The following SGTB variants were observed in gnomAD, a reference collection of about 807,000 sequenced individuals.
SGTB encodes the protein small glutamine rich tetratricopeptide repeat co-chaperone beta.
SGTB carries 19 observed loss-of-function variants against 43.9 expected under a neutral mutation model. That is an observed-to-expected ratio of 0.43 (90% CI 0.30 to 0.63). The LOEUF (loss-of-function observed/expected upper bound fraction) is 0.63, where lower values mean the gene tolerates loss of function less well. Among genes scored for constraint, SGTB ranks in the 30% least tolerant of loss-of-function variants. SGTB has a pLI of 0.12. For synonymous variants in SGTB, 116 were observed against 117.3 expected (o/e 0.99, Z 0.07); for missense variants, 304 against 358.9 (o/e 0.85, Z 1.24).
At chr5:65,711,293 A>G (rs1758041589) in intron 3 of SGTB, among the ~76,000 whole-genome samples, 1 of 152,222 alleles carries the variant, frequency 6.6e-6, no homozygotes, top group Admixed American at 6.5e-5. Flanking sequence ...TCAGGGAGAT[A>G]CAGCAAAAGA....
intron 5 of SGTB, among the ~76,000 whole-genome samples, chr5:65,692,551 T>C (rs1757633180): frequency 6.6e-6 from 1 of 152,160 alleles, no homozygotes; most frequent in Admixed American, 6.5e-5. Context: ...AGAATATGGC[T>C]CATTCTATAA....
intron 5 of SGTB, among the ~76,000 whole-genome samples, chr5:65,689,525 T>C (rs1226588564): frequency 6.6e-6 from 1 of 152,190 alleles, no homozygotes; most frequent in Non-Finnish European, 1.5e-5. Flanking sequence ...ACCAATTATA[T>C]TGGTTTATAA....
At chr5:65,674,716 G>A (rs990684329) in intron 8 of SGTB, among the ~76,000 whole-genome samples, 1 of 151,908 alleles carries the variant, frequency 6.6e-6, no homozygotes, top group Non-Finnish European at 1.5e-5. Flanking sequence ...CCTTATTTTG[G>A]TACATAGCAG....
Position 65,673,585 on chromosome 5 carries a change from T to C in SGTB, c.682-1304A>G, listed in dbSNP as rs560716117. 9.9e-3 allele frequency among the ~76,000 whole-genome samples: 1,501 copies of C among 152,216 alleles called. 8 individuals carry two copies. Among genetic ancestry groups the C allele is most frequent in the Non-Finnish European group, 0.015 (999 of 67,996 alleles). On this transcript the variant is annotated intron_variant, in intron 8 of 10. Coordinates refer to ENST00000381007, the MANE Select transcript of SGTB (RefSeq NM_019072.3). ...CTGCCCCTACCCCCTACACCCGGTA[T>C]GGTCCATGGAAAAACTGTCTTCCAT...
intron 4 of SGTB, 59 bp from the exon 5 acceptor site, chr5:65,704,437 T>G: frequency 1.6e-6 from 2 of 1,250,360 alleles, no homozygotes; most frequent in East Asian, 5.0e-5. Flanking sequence ...ACATACACTC[T>G]TATAGACACA....
At chr5:65,710,188 T>C (rs192456708) in intron 3 of SGTB, among the ~76,000 whole-genome samples, 1 of 152,296 alleles carries the variant, frequency 6.6e-6, no homozygotes, top group Non-Finnish European at 1.5e-5. Flanking sequence ...AGGATCTAAA[T>C]ATAATTCAAA....
chr5:65,719,746 C>T (rs990232775), intron 2 of SGTB, among the ~76,000 whole-genome samples: 28 of 152,116 alleles, frequency 1.8e-4, no homozygotes, highest in African/African-American at 6.5e-4. Context: ...AAGACGGTGT[C>T]GAGGAAACAC....
intron 5 of SGTB, among the ~76,000 whole-genome samples, chr5:65,687,258 T>C (rs758886414): frequency 9.2e-5 from 14 of 152,188 alleles, no homozygotes; most frequent in Non-Finnish European, 7.4e-5. Context: ...TCACTGACTT[T>C]TCCCCATCCA....
intron 2 of SGTB, among the ~76,000 whole-genome samples, chr5:65,713,491 A>T (rs751254671): frequency 4.0e-5 from 6 of 151,680 alleles, no homozygotes; most frequent in Non-Finnish European, 8.8e-5. Flanking sequence ...AACTGTTTAA[A>T]TTTTTTTGCA....
At chr5:65,689,536 TAAC>T (rs1293682267) in intron 5 of SGTB, among the ~76,000 whole-genome samples, 1 of 152,192 alleles carries the variant, frequency 6.6e-6, no homozygotes, top group African/African-American at 2.4e-5. Context: ...TGGTTTATAA[TAAC>T]AACTGAAGGA....
At chr5:65,673,296 G>A (rs760877995) in intron 8 of SGTB, among the ~76,000 whole-genome samples, 6 of 152,140 alleles carry the variant, frequency 3.9e-5, no homozygotes, top group Non-Finnish European at 5.9e-5. Context: ...CAGACTGACC[G>A]GTTGTAGTAG....
At chr5:65,677,098 G>A (rs1383827656) in intron 8 of SGTB, among the ~76,000 whole-genome samples, 1 of 151,034 alleles carries the variant, frequency 6.6e-6, no homozygotes, top group Non-Finnish European at 1.5e-5. Context: ...GAAGAAAAAA[G>A]AGAGAAGATT....
chr5:65,697,238 C>A (rs1001587128), intron 5 of SGTB, among the ~76,000 whole-genome samples: 2 of 152,108 alleles, frequency 1.3e-5, no homozygotes, highest in African/African-American at 4.8e-5. Context: ...TCTTTTACTG[C>A]ACTTTTCAGG....
chr5:65,718,207 A>G (rs1346258529), intron 2 of SGTB, among the ~76,000 whole-genome samples: 6 of 152,108 alleles, frequency 3.9e-5, no homozygotes, highest in Non-Finnish European at 8.8e-5. Flanking sequence ...GGATCAGGTA[A>G]TTTCTTCTTG....
At chr5:65,686,499 C>T (rs183874702) in intron 5 of SGTB, among the ~76,000 whole-genome samples, 1 of 151,868 alleles carries the variant, frequency 6.6e-6, no homozygotes, top group African/African-American at 2.4e-5. Flanking sequence ...TACCTTTATT[C>T]TCTCTTTACC....
intron 3 of SGTB, among the ~76,000 whole-genome samples, chr5:65,709,767 A>AT (rs766456888): frequency 5.3e-5 from 8 of 152,066 alleles, no homozygotes; most frequent in African/African-American, 1.9e-4. Context: ...CACCTGGGTA[A>AT]TTTTTTTATA....
At chr5:65,699,997 A>G (rs192386914) in intron 5 of SGTB, among the ~76,000 whole-genome samples, 1 of 152,352 alleles carries the variant, frequency 6.6e-6, no homozygotes, top group East Asian at 1.9e-4. Context: ...GTATTTGGTA[A>G]AAACCTGTCA....
chr5:65,671,816 A>G, intron 10 of SGTB, 99 bp downstream of exon 10: 1 of 1,087,626 alleles, frequency 9.2e-7, no homozygotes, highest in Non-Finnish European at 1.3e-6. Context: ...TAACGGTAAA[A>G]GATAAACATT....
chr5:65,710,804 A>G (rs1758029312), intron 3 of SGTB, among the ~76,000 whole-genome samples: 1 of 152,168 alleles, frequency 6.6e-6, no homozygotes, highest in African/African-American at 2.4e-5. Flanking sequence ...AGCCTGCCCA[A>G]GATGGGGAAA....
Sources: gnomAD v4.1 joint callset for allele counts (sites outside exome capture counted in the v4.1 genomes callset) on GRCh38, gnomAD v4.1.1 for gene constraint, MANE v1.5 for transcripts, NCBI Gene and HGNC (gene_info 2026-07-23, HGNC 2026-07-21) for gene names.